The following SHANK2 variants were observed in gnomAD, a reference collection of about 807,000 sequenced individuals.
The protein encoded by SHANK2 is SH3 and multiple ankyrin repeat domains protein 2.
In SHANK2, 43 loss-of-function variants were observed where a neutral mutation model predicts 133.7. The ratio of observed to expected loss-of-function variants is 0.32; its 90% CI spans 0.25 to 0.41. The LOEUF is 0.41. SHANK2 is among the 10% of genes least tolerant of loss of function. The pLI is 1.00. For synonymous variants in SHANK2, 1,017 were observed against 952.8 expected (o/e 1.07, Z -1.24); for missense variants, 1,994 against 2,235.8 (o/e 0.89, Z 2.18).
chr11:70,701,277 C>CA (rs369611772), intron 14 of SHANK2, among the ~76,000 whole-genome samples: 22 of 152,032 alleles, frequency 1.4e-4, no homozygotes, highest in African/African-American at 5.3e-4. Flanking sequence ...CATGGACCAA[C>CA]AAAACTTTAA....
intron 17 of SHANK2, among the ~76,000 whole-genome samples, chr11:70,607,822 C>T (rs540413795): frequency 1.4e-4 from 21 of 152,246 alleles, no homozygotes; most frequent in African/African-American, 2.7e-4. Context: ...TGGGGTTAAG[C>T]GGGAGAGGCC....
intron 8 of SHANK2, among the ~76,000 whole-genome samples, chr11:71,085,897 T>A (rs1951394155): frequency 0.14 from 6 of 42 alleles, no homozygotes; most frequent in African/African-American, 0.25. Context: ...TTAATATATA[T>A]ATTAATTATA....
At chr11:70,840,056 G>C (rs1948879053) in intron 11 of SHANK2, among the ~76,000 whole-genome samples, 1 of 152,200 alleles carries the variant, frequency 6.6e-6, no homozygotes, top group African/African-American at 2.4e-5. Flanking sequence ...TGAAGGCAGA[G>C]GGCGTGGGGC....
chr11:70,483,063 C>T (rs1170549552), intron 25 of SHANK2, among the ~76,000 whole-genome samples: 1 of 152,184 alleles, frequency 6.6e-6, no homozygotes, highest in Non-Finnish European at 1.5e-5. Context: ...CCCTGCTGAC[C>T]TGAACAGTGG....
At chr11:70,650,450 G>C (rs2061326500) in intron 17 of SHANK2, among the ~76,000 whole-genome samples, 2 of 152,282 alleles carry the variant, frequency 1.3e-5, no homozygotes, top group South Asian at 4.1e-4. Context: ...TCAGCACCCT[G>C]CAGAGAGCCA....
At chr11:70,910,465 C>G (rs1950174917) in intron 10 of SHANK2, among the ~76,000 whole-genome samples, 1 of 152,156 alleles carries the variant, frequency 6.6e-6, no homozygotes, top group Non-Finnish European at 1.5e-5. Flanking sequence ...ATCACTGCCT[C>G]TCCCATCCCC....
intron 17 of SHANK2, among the ~76,000 whole-genome samples, chr11:70,509,938 C>T (rs2059181016): frequency 1.3e-5 from 2 of 152,204 alleles, no homozygotes; most frequent in African/African-American, 2.4e-5. Context: ...TATTCTGTCG[C>T]GGCAGCCCAA....
At position 70,949,262 on chromosome 11, in the gene SHANK2, C is replaced by T. The variant is rs774938577; in HGVS notation, c.1108-52695G>A. Among the ~76,000 whole-genome samples the T allele has an allele frequency of 3.6e-4, 55 of 152,242 alleles. 1 individual carries two copies. The highest frequency in any genetic ancestry group is 6.6e-4 in the Non-Finnish European group (45 of 68,052). On this transcript the variant is annotated intron_variant, in intron 10 of 25. Coordinates refer to ENST00000601538, the MANE Select transcript of SHANK2 (RefSeq NM_012309.5). ...GCCTCAGTACCGCCCCTCCCGGCTCCGCCCACAGAACACAGGCAGCGGGGG... is the reference window on the plus strand; with the variant it reads ...GCCTCAGTACCGCCCCTCCCGGCTCTGCCCACAGAACACAGGCAGCGGGGG...
intron 2 of SHANK2, among the ~76,000 whole-genome samples, chr11:71,218,926 G>A (rs1954475147): frequency 6.6e-6 from 1 of 152,186 alleles, no homozygotes; most frequent in Non-Finnish European, 1.5e-5. Flanking sequence ...GTCCCAAGCA[G>A]CCTTCTCTGT....
intron 17 of SHANK2, among the ~76,000 whole-genome samples, chr11:70,645,935 T>C (rs147194766): frequency 6.6e-6 from 1 of 152,214 alleles, no homozygotes; most frequent in East Asian, 1.9e-4. Flanking sequence ...GGTCATCCTA[T>C]GTTCACCAAA....
At chr11:70,600,686 A>G (rs2060483461) in intron 17 of SHANK2, among the ~76,000 whole-genome samples, 1 of 152,278 alleles carries the variant, frequency 6.6e-6, no homozygotes, top group Admixed American at 6.5e-5. Flanking sequence ...AAGATCTTGG[A>G]GAAAAGTGTT....
intron 13 of SHANK2, among the ~76,000 whole-genome samples, chr11:70,803,638 G>A (rs1565327275): frequency 6.6e-6 from 1 of 152,050 alleles, no homozygotes; most frequent in African/African-American, 2.4e-5. Context: ...CTCCTCTCAT[G>A]TCTCAGATGC....
chr11:70,719,614 G>T (rs115409892), intron 14 of SHANK2, among the ~76,000 whole-genome samples: 3,582 of 152,082 alleles, frequency 0.024, 141 homozygotes, highest in African/African-American at 0.082. Context: ...TGGGCAAATC[G>T]GAGGGTCATA....
chr11:70,693,305 T>C (rs1446042086), intron 15 of SHANK2, among the ~76,000 whole-genome samples: 1 of 152,250 alleles, frequency 6.6e-6, no homozygotes, highest in Non-Finnish European at 1.5e-5. Flanking sequence ...ACTCTTTTCA[T>C]GAAGCACGAG....
intron 2 of SHANK2, among the ~76,000 whole-genome samples, chr11:71,215,230 G>A (rs1030976947): frequency 1.3e-4 from 20 of 152,280 alleles, no homozygotes; most frequent in Admixed American, 4.6e-4. Context: ...CAGGGCCCAC[G>A]CTCTCTCTGA....
chr11:70,539,843 A>T (rs2059595692), intron 17 of SHANK2, among the ~76,000 whole-genome samples: 1 of 152,138 alleles, frequency 6.6e-6, no homozygotes, highest in Non-Finnish European at 1.5e-5. Context: ...CCTGGAGGTG[A>T]AGTCCAAGAT....
chr11:70,587,977 T>C (rs1324891943), intron 17 of SHANK2, among the ~76,000 whole-genome samples: 2 of 152,208 alleles, frequency 1.3e-5, no homozygotes, highest in Admixed American at 6.5e-5. Flanking sequence ...TTTTCAGTAT[T>C]ATGATATCTG....
chr11:71,072,935 T>C (rs1951161709), intron 9 of SHANK2, among the ~76,000 whole-genome samples: 1 of 151,960 alleles, frequency 6.6e-6, no homozygotes, highest in African/African-American at 2.4e-5. Context: ...AGTTTCAATT[T>C]TGCAAGATTA....
intron 14 of SHANK2, among the ~76,000 whole-genome samples, chr11:70,768,300 T>C (rs1251113419): frequency 6.6e-6 from 1 of 152,164 alleles, no homozygotes; most frequent in Non-Finnish European, 1.5e-5. Flanking sequence ...GAAGTAGTGA[T>C]GGAGGAAGTC....
Sources: gnomAD v4.1 joint callset for allele counts (sites outside exome capture counted in the v4.1 genomes callset) on GRCh38, gnomAD v4.1.1 for gene constraint, MANE v1.5 for transcripts, NCBI Gene and HGNC (gene_info 2026-07-23, HGNC 2026-07-21) for gene names.